LRRC32: variants seen among roughly 807,000 people sequenced by gnomAD.
LRRC32 encodes transforming growth factor beta activator LRRC32.
LRRC32 carries 5 observed loss-of-function variants against 15.0 expected under a neutral mutation model. The observed-to-expected ratio is 0.33, with a 90% CI of 0.17 to 0.70. The LOEUF (loss-of-function observed/expected upper bound fraction) is 0.70, where lower values mean the gene tolerates loss of function less well. Ranked by LOEUF, LRRC32 falls within the 30% of genes least tolerant of loss-of-function variation. LRRC32 has a pLI of 0.66. For synonymous variants in LRRC32, 391 were observed against 403.9 expected (o/e 0.97, Z 0.38); for missense variants, 803 against 854.2 (o/e 0.94, Z 0.75).
chr11:76,668,687 G>A (rs1565407381), intron 1 of LRRC32, among the ~76,000 whole-genome samples: 1 of 152,182 alleles, frequency 6.6e-6, no homozygotes, highest in Non-Finnish European at 1.5e-5. Flanking sequence ...TACTAAGTAG[G>A]TACTCACTAA....
chr11:76,665,805 G>T, intron 2 of LRRC32, 66 bp downstream of exon 2: 1 of 1,600,596 alleles, frequency 6.2e-7, no homozygotes, highest in Admixed American at 1.7e-5. Flanking sequence ...TGGGGCTGGG[G>T]CACTAGCACA....
At chr11:76,668,024 C>T (rs1952652822) in intron 1 of LRRC32, among the ~76,000 whole-genome samples, 1 of 152,248 alleles carries the variant, frequency 6.6e-6, no homozygotes, top group Non-Finnish European at 1.5e-5. Context: ...ACCAAGCCCT[C>T]CGTGGCTACT....
chr11:76,670,706 G>C lies in LRRC32; in HGVS notation c.-97C>G, dbSNP rs936591797. 1 of 152,160 alleles carries C rather than the reference G, an allele frequency of 6.6e-6. No individual in the cohort carries two copies. Among genetic ancestry groups the C allele is most frequent in the Non-Finnish European group, 1.5e-5 (1 of 68,042 alleles). The allele number at this position is 152,160 out of a possible 1,614,324, so 9.4% of individuals were successfully genotyped here. A position where few individuals can be genotyped will look rare whatever the true frequency, so the allele number is the denominator to read the frequency against. ...GGTCCCACCCCGCGCCAGACCCCGGGGTCACGGCCCGAGGAGGAGCAGGCC... is the reference window on the plus strand; with the variant it reads ...GGTCCCACCCCGCGCCAGACCCCGGCGTCACGGCCCGAGGAGGAGCAGGCC... On this transcript the variant is annotated 5_prime_UTR_variant, in exon 1 of 3. Transcript: ENST00000260061.
intron 1 of LRRC32, among the ~76,000 whole-genome samples, chr11:76,666,330 G>C (rs1952626082): frequency 1.3e-5 from 2 of 151,976 alleles, no homozygotes; most frequent in Non-Finnish European, 2.9e-5. Flanking sequence ...CCAGGGACTG[G>C]GGGCATGGAG....
chr11:76,665,371 TG>T (rs755027835), intron 2 of LRRC32, among the ~76,000 whole-genome samples: 5 of 152,004 alleles, frequency 3.3e-5, no homozygotes, highest in East Asian at 1.9e-4. Flanking sequence ...TTCCTGGAGA[TG>T]GCAGCATTTG....
At chr11:76,666,343 G>A (rs891330470) in intron 1 of LRRC32, among the ~76,000 whole-genome samples, 9 of 150,580 alleles carry the variant, frequency 6.0e-5, no homozygotes, top group African/African-American at 2.2e-4. Context: ...GCATGGAGAT[G>A]TAGAGGGGGT....
In LRRC32 at chr11:76,661,000, C is replaced by T. The variant is rs531166735; in HGVS notation, c.593G>A (p.Arg198His). Reference sequence around the variant, plus strand: ...CCTGGAGAGGTTGAGATGGGTCAGGCGGGGCAGACCCTCGAAGGCGCCATC... The same window carrying T: ...CCTGGAGAGGTTGAGATGGGTCAGGTGGGGCAGACCCTCGAAGGCGCCATC... ...IEDGAFEGLP[R>H]LTHLNLSRNS... Residue 198 changes from arginine to histidine, a missense_variant, in exon 3 of 3, where the codon CGC (arginine) becomes CAC (histidine). Arg to His is a conservative substitution (Grantham distance 29). Coordinates refer to ENST00000260061, the MANE Select transcript of LRRC32 (RefSeq NM_001128922.2). The T allele has an allele frequency of 7.4e-6, 12 of 1,613,966 alleles. No homozygotes were observed. The highest frequency in any genetic ancestry group is 1.1e-5 in the South Asian group (1 of 91,082).
Position 76,660,709 on chromosome 11 carries a change from T to C in LRRC32, c.884A>G (p.Glu295Gly). The C allele has an allele frequency of 6.2e-7, 1 of 1,613,990 alleles. No homozygotes were observed. Among genetic ancestry groups the C allele is most frequent in the South Asian group, 1.1e-5 (1 of 91,064 alleles). Reference sequence around the variant, plus strand: ...TGAGAGGGGCAGGGCTGACCAGCCCTCGGAAGGTGCGTGGATGCCCTTGCT... The same window carrying C: ...TGAGAGGGGCAGGGCTGACCAGCCCCCGGAAGGTGCGTGGATGCCCTTGCT... ...QDSKGIHAPS[E>G]GWSALPLSAP... Residue 295 changes from glutamate to glycine, a missense_variant, in exon 3 of 3, where the codon GAG becomes GGG. Transcript: ENST00000260061.
intron 1 of LRRC32, among the ~76,000 whole-genome samples, chr11:76,670,193 G>T (rs1466201230): frequency 1.3e-5 from 2 of 152,208 alleles, no homozygotes; most frequent in Non-Finnish European, 2.9e-5. Context: ...CTTGGAGAGC[G>T]GTGGGTGCCC....
intron 2 of LRRC32, 150 bp from the exon 3 acceptor site, chr11:76,661,658 T>C: frequency 2.2e-6 from 3 of 1,352,592 alleles, no homozygotes; most frequent in Non-Finnish European, 2.9e-6. Flanking sequence ...CGCAGCCTGA[T>C]CACCCCATGC....
rs754824652 is a variant in LRRC32 at position 76,660,315 on chromosome 11, C to T, written c.1278G>A (p.Gly426=). 1.0e-5 allele frequency: 16 copies of T among 1,600,256 alleles called. No individual in the cohort carries two copies. In the South Asian group the frequency reaches 1.2e-4, roughly 12 times the overall value. The part of the protein sequence containing the change: ...NLQGNRVSPC[G]GPDEPGPSGC... ...CGGAGGGGCCAGGCTCATCTGGCCC[C>T]CCACAGGGGCTGACTCGGTTCCCCT... Residue 426 remains glycine (G), a synonymous_variant, in exon 3 of 3, where the codon GGG becomes GGA. Coordinates refer to ENST00000260061, the MANE Select transcript of LRRC32 (RefSeq NM_001128922.2).
Position 76,659,893 on chromosome 11 carries a change from T to C in LRRC32, c.1700A>G (p.Tyr567Cys). The C allele has an allele frequency of 6.2e-7, 1 of 1,613,814 alleles. No individual in the cohort carries two copies. The highest frequency in any genetic ancestry group is 8.5e-7 in the Non-Finnish European group (1 of 1,179,964). Residue 567 changes from tyrosine (Y) to cysteine (C), a missense_variant, in exon 3 of 3, where the codon TAC becomes TGC. Physicochemically the swap from Tyr to Cys is radical, Grantham distance 194 (BLOSUM62 -2). Coordinates refer to ENST00000260061, the MANE Select transcript of LRRC32 (RefSeq NM_001128922.2). ...GGLETSLRRL[Y>C]LQGNPLSCCG... ...GCAGCTGAGTGGATTCCCCTGCAGG[T>C]AGAGGCGCCGGAGGCTGGTCTCCAG... is the stretch of plus-strand genomic sequence containing the variant.
intron 1 of LRRC32, among the ~76,000 whole-genome samples, chr11:76,668,403 T>C (rs1952659703): frequency 1.3e-5 from 2 of 152,126 alleles, no homozygotes; most frequent in African/African-American, 2.4e-5. Context: ...TAAAATCATC[T>C]GTCAGATCCT....
In LRRC32 at chr11:76,661,154, C is replaced by G. The variant is rs770032584; in HGVS notation, c.439G>C (p.Glu147Gln). ...GAGAGGGTATGCAGGCTGGGTGCCTCCCCCAGCAGCCGCTCCAGCAGGCCG... is the reference window on the plus strand; with the variant it reads ...GAGAGGGTATGCAGGCTGGGTGCCTGCCCCAGCAGCCGCTCCAGCAGGCCG... ...YSGLLERLLG[E>Q]APSLHTLSLA... The change falls in exon 3 of 3, where the codon GAG becomes CAG. Residue 147 changes from glutamate (E) to glutamine (Q), a missense_variant. By Grantham distance (29) the Glu-to-Gln change is conservative. Coordinates refer to ENST00000260061, the MANE Select transcript of LRRC32 (RefSeq NM_001128922.2). 3 of 1,613,594 alleles carry G rather than the reference C, an allele frequency of 1.9e-6. No homozygotes were observed. Among genetic ancestry groups the G allele is most frequent in the Non-Finnish European group, 2.5e-6 (3 of 1,179,834 alleles).
rs1445191971 is a variant in LRRC32, at chr11:76,661,185, C to T, written c.408G>A (p.Leu136=). The change falls in exon 3 of 3, where the codon CTG becomes CTA. Residue 136 remains leucine, a synonymous_variant. Transcript: ENST00000260061. ...VTSLDLSGNS[L]YSGLLERLLG... is the part of the protein sequence containing the mutation. ...GCAGCCGCTCCAGCAGGCCGCTGTA[C>T]AGGCTGTTCCCAGACAGGTCCAGGG... 1.9e-6 allele frequency: 3 copies of T among 1,613,766 alleles called. No homozygotes were observed. Among genetic ancestry groups the T allele is most frequent in the Admixed American group, 3.3e-5 (2 of 60,006 alleles).
intron 2 of LRRC32, among the ~76,000 whole-genome samples, 194 bp from the exon 3 acceptor site, chr11:76,661,702 G>A (rs535857931): frequency 4.6e-5 from 7 of 152,176 alleles, no homozygotes; most frequent in Admixed American, 4.6e-4. Context: ...GCCCCATCTC[G>A]GGCACCCAGC....
chr11:76,662,413 A>ATGATGG (rs1414874203), intron 2 of LRRC32, among the ~76,000 whole-genome samples: 1 of 152,100 alleles, frequency 6.6e-6, no homozygotes, highest in African/African-American at 2.4e-5. Context: ...TCTTTACCAC[A>ATGATGG]GCCTGCCCAT....
In LRRC32 at chr11:76,659,718, G is replaced by A. The variant is rs1179724863; in HGVS notation, c.1875C>T (p.Asn625=). ...PEDCEKGGLK[N]INLIIILTFI... is the part of the protein sequence containing the mutation. ...AGGTGAGGATGATGATGAGGTTGATGTTCTTCAGTCCCCCCTTCTCACAGT... is the reference window on the plus strand; with the variant it reads ...AGGTGAGGATGATGATGAGGTTGATATTCTTCAGTCCCCCCTTCTCACAGT... The change falls in exon 3 of 3, where the codon AAC becomes AAT. Residue 625 remains asparagine, a synonymous_variant. Transcript: ENST00000260061. 6.2e-7 allele frequency: 1 copy of A among 1,614,200 alleles called. No homozygotes were observed. The highest frequency in any genetic ancestry group is 2.2e-5 in the East Asian group (1 of 44,882).
At position 76,658,902 on chromosome 11, in the gene LRRC32, G is replaced by C. The variant is rs1952458111; in HGVS notation, c.*702C>G. 2 of 153,652 alleles carry C rather than the reference G, an allele frequency of 1.3e-5. No homozygotes were observed. The highest frequency in any genetic ancestry group is 1.9e-4 in the East Asian group (1 of 5,282). The allele number at this position is 153,652 out of a possible 1,614,324, so 9.5% of individuals were successfully genotyped here. On this transcript the variant is annotated 3_prime_UTR_variant, in exon 3 of 3. Transcript: ENST00000260061. ...CCAGAGCAGGAGACGGAATGGTCCA[G>C]TGCTGGGCTGGACCCCTTAACCAGA...
Sources: allele counts gnomAD v4.1 joint callset (sites outside exome capture counted in the v4.1 genomes callset), GRCh38; gene constraint gnomAD v4.1.1; transcripts MANE v1.5; gene names NCBI Gene and HGNC (gene_info 2026-07-23, HGNC 2026-07-21).